The following SLCO1A2 variants were observed in gnomAD, a reference collection of about 807,000 sequenced individuals.
The protein encoded by SLCO1A2 is solute carrier organic anion transporter family member 1A2.
A neutral mutation model predicts 69.0 loss-of-function variants in SLCO1A2; 67 were observed. That is an observed-to-expected ratio of 0.97 (90% CI 0.80 to 1.19). The LOEUF (loss-of-function observed/expected upper bound fraction) is 1.19, where lower values mean the gene tolerates loss of function less well. Ranked by LOEUF, SLCO1A2 falls within the 50% of genes most tolerant of loss-of-function variation. SLCO1A2 has a pLI of 0.00. For synonymous variants in SLCO1A2, 260 were observed against 265.9 expected, an observed-to-expected ratio of 0.98 and a Z score of 0.22; for missense variants, 787 against 793.7, an observed-to-expected ratio of 0.99 and a Z score of 0.10.
At chr12:21,352,834 A>G (rs142606095) in intron 2 of SLCO1A2, among the ~76,000 whole-genome samples, 8 of 152,230 alleles carry the variant, frequency 5.3e-5, no homozygotes, top group Non-Finnish European at 1.5e-5. Flanking sequence ...TGGGGGAAGT[A>G]CATAAGGTGT....
chr12:21,386,550 C>T (rs758927666), intron 1 of SLCO1A2, among the ~76,000 whole-genome samples: 12 of 152,128 alleles, frequency 7.9e-5, no homozygotes, highest in Non-Finnish European at 1.8e-4. Context: ...CTGCACTTCT[C>T]TCTTGCCTTT....
At position 21,304,696 on chromosome 12, in the gene SLCO1A2, A is replaced by G. The variant is rs949187562; in HGVS notation, c.443-123T>C. The G allele has an allele frequency of 2.3e-5, 21 of 927,934 alleles. 1 individual carries two copies. The highest frequency in any genetic ancestry group is 3.4e-5 in the Non-Finnish European group (21 of 620,008). 57.5% of individuals were successfully genotyped at this position (927,934 alleles called of 1,614,324 possible). A position where few individuals can be genotyped will look rare whatever the true frequency, so the allele number is the denominator to read the frequency against. ...CCATGGCCCCTTGTCAATGATTTATATTACTATTCCAGCAGTGACTTCTCA... is the reference window on the plus strand; with the variant it reads ...CCATGGCCCCTTGTCAATGATTTATGTTACTATTCCAGCAGTGACTTCTCA... On this transcript the variant is annotated intron_variant, in intron 5 of 14. Coordinates refer to ENST00000683939, the MANE Select transcript of SLCO1A2 (RefSeq NM_001386879.1).
intron 12 of SLCO1A2, among the ~76,000 whole-genome samples, chr12:21,275,949 A>C (rs1943750626): frequency 6.6e-6 from 1 of 152,196 alleles, no homozygotes; most frequent in South Asian, 2.1e-4. Flanking sequence ...CTCAAAAAAA[A>C]AAAATTGTTT....
At chr12:21,288,893 T>G (rs931299063) in intron 12 of SLCO1A2, among the ~76,000 whole-genome samples, 1 of 151,656 alleles carries the variant, frequency 6.6e-6, no homozygotes, top group South Asian at 2.1e-4. Flanking sequence ...ATGTATAATT[T>G]TAATTATATG....
At chr12:21,400,582 G>T (rs1941657126) in intron 1 of SLCO1A2, among the ~76,000 whole-genome samples, 1 of 152,014 alleles carries the variant, frequency 6.6e-6, no homozygotes, top group East Asian at 1.9e-4. Context: ...GCACATGTAT[G>T]TTTATTGCGG....
intron 1 of SLCO1A2, among the ~76,000 whole-genome samples, chr12:21,390,241 A>G (rs1380830943): frequency 3.3e-5 from 5 of 152,092 alleles, no homozygotes; most frequent in African/African-American, 1.2e-4. Flanking sequence ...GTCAGGAGGC[A>G]TCTGACCATA....
At chr12:21,335,182 C>T (rs2136962732), upstream of SLCO1A2, among the ~76,000 whole-genome samples, 1 of 152,046 alleles carries the variant, frequency 6.6e-6, no homozygotes, top group South Asian at 2.1e-4. Context: ...CAAGGCTTCC[C>T]TAGAGTCTCA....
intron 14 of SLCO1A2, among the ~76,000 whole-genome samples, chr12:21,270,199 T>C (rs537470476): frequency 1.3e-5 from 2 of 151,952 alleles, no homozygotes; most frequent in South Asian, 2.1e-4. Flanking sequence ...TTATTTTCTA[T>C]TGTGAGCTTG....
intron 2 of SLCO1A2, among the ~76,000 whole-genome samples, chr12:21,348,898 C>T (rs1476717832): frequency 3.9e-5 from 6 of 152,088 alleles, no homozygotes; most frequent in African/African-American, 1.4e-4. Flanking sequence ...AAATGAACAA[C>T]TTATGTAAAC....
intron 2 of SLCO1A2, among the ~76,000 whole-genome samples, chr12:21,331,018 C>T (rs1952579988): frequency 6.6e-6 from 1 of 152,076 alleles, no homozygotes; most frequent in Non-Finnish European, 1.5e-5. Context: ...AGCTTTCTTA[C>T]CAAAAATACC....
chr12:21,352,374 T>C (rs1272725284), intron 2 of SLCO1A2, among the ~76,000 whole-genome samples: 2 of 152,182 alleles, frequency 1.3e-5, no homozygotes, highest in East Asian at 1.9e-4. Context: ...TCTCAATTAA[T>C]CTCATTCTAT....
chr12:21,307,790 C>G (rs1478868095), intron 4 of SLCO1A2, among the ~76,000 whole-genome samples: 1 of 152,182 alleles, frequency 6.6e-6, no homozygotes, highest in East Asian at 1.9e-4. Context: ...ACTTGCCCTT[C>G]TGAGTTCTAC....
Position 21,301,281 on chromosome 12 carries a change from T to A in SLCO1A2, c.590-12A>T. The A allele has an allele frequency of 6.3e-7, 1 of 1,579,214 alleles. No homozygotes were observed. Among genetic ancestry groups the A allele is most frequent in the Non-Finnish European group, 8.7e-7 (1 of 1,152,796 alleles). On this transcript the variant is annotated splice_polypyrimidine_tract_variant and intron_variant, in intron 6 of 14. Transcript: ENST00000683939. ...TGTTTCTACAAGCCCTAAAAATAAA[T>A]AAAAGTATAAGGTTATAGTACAGTT...
chr12:21,352,774 C>T lies in SLCO1A2; in HGVS notation c.-62-18065G>A, dbSNP rs532054508. Among the ~76,000 whole-genome samples the T allele has an allele frequency of 2.6e-5, 4 of 152,282 alleles. No homozygotes were observed. The East Asian group carries it at 7.7e-4, about 29-fold the overall frequency. ...ACTAAAAAATGTTTTTTCCTTGTTG[C>T]TTTACATGTTTGTTTAGTTCATTGT... On this transcript the variant is annotated intron_variant, in intron 2 of 15. Coordinates refer to the SLCO1A2 transcript ENST00000307378.
At chr12:21,412,241 C>T (rs1019078455) in intron 1 of SLCO1A2, among the ~76,000 whole-genome samples, 1 of 151,980 alleles carries the variant, frequency 6.6e-6, no homozygotes, top group African/African-American at 2.4e-5. Context: ...ATTAGCTGGG[C>T]ATGGTGGCGG....
intron 12 of SLCO1A2, among the ~76,000 whole-genome samples, chr12:21,276,418 A>T (rs1298168949): frequency 1.3e-5 from 2 of 151,570 alleles, no homozygotes; most frequent in South Asian, 4.2e-4. Context: ...ACACACACAC[A>T]CACACAGACC....
intron 2 of SLCO1A2, among the ~76,000 whole-genome samples, chr12:21,347,805 C>T (rs987007481): frequency 1.3e-4 from 19 of 151,926 alleles, no homozygotes; most frequent in Non-Finnish European, 2.4e-4. Flanking sequence ...GTAAAAGATA[C>T]CACCAATGGA....
intron 9 of SLCO1A2, 141 bp from the exon 10 acceptor site, chr12:21,295,933 A>G (rs1591806513): frequency 1.7e-6 from 1 of 578,256 alleles, no homozygotes; most frequent in Non-Finnish European, 3.0e-6. Context: ...TTTTATCCCC[A>G]CTTAGTTACA....
In SLCO1A2 at chr12:21,298,114, A is replaced by C. The variant is rs1427829535; in HGVS notation, c.911-546T>G. 3.3e-5 allele frequency among the ~76,000 whole-genome samples: 5 copies of C among 152,188 alleles called. No homozygotes were observed. The East Asian group carries it at 9.6e-4, about 29-fold the overall frequency. Reference sequence around the variant, plus strand: ...GAATTTTTTTTTGCTTCTTCAGAACAACAGTTTCAGTGGTTCTGCCATTGG... The same window carrying C: ...GAATTTTTTTTTGCTTCTTCAGAACCACAGTTTCAGTGGTTCTGCCATTGG... On this transcript the variant is annotated intron_variant, in intron 8 of 14. Coordinates refer to ENST00000683939, the MANE Select transcript of SLCO1A2 (RefSeq NM_001386879.1).
Sources: gnomAD v4.1 joint callset for allele counts (sites outside exome capture counted in the v4.1 genomes callset) on GRCh38, gnomAD v4.1.1 for gene constraint, MANE v1.5 for transcripts, NCBI Gene and HGNC (gene_info 2026-07-23, HGNC 2026-07-21) for gene names.